The following GCFC2 variants were observed in gnomAD, a reference collection of about 807,000 sequenced individuals.
The protein encoded by GCFC2 is GC-rich sequence DNA-binding factor 2.
Under a neutral mutation model 99.4 loss-of-function variants are expected in GCFC2, and 102 were observed. The observed-to-expected ratio is 1.03, with a 90% CI of 0.87 to 1.21. The LOEUF (loss-of-function observed/expected upper bound fraction) is 1.21, where lower values mean the gene tolerates loss of function less well. Ranked by LOEUF, GCFC2 falls within the 50% of genes most tolerant of loss-of-function variation. The pLI, the probability that GCFC2 is intolerant of heterozygous loss-of-function variation, is 0.00. For synonymous variants in GCFC2, 338 were observed against 316.8 expected, an observed-to-expected ratio of 1.07 and a Z score of -0.71; for missense variants, 973 against 920.9, an observed-to-expected ratio of 1.06 and a Z score of -0.73.
rs1193275869 is a variant in GCFC2, at chr2:75,689,230, A to G, written c.1340-5T>C. Reference sequence around the variant, plus strand: ...TCTGTTTCTGTAAAATGTCACCTGTAAACAAAATAAGTCTCTTTATGCATT... The same window carrying G: ...TCTGTTTCTGTAAAATGTCACCTGTGAACAAAATAAGTCTCTTTATGCATT... On this transcript the variant is annotated splice_region_variant and splice_polypyrimidine_tract_variant and intron_variant, in intron 9 of 16. Coordinates refer to ENST00000321027, the MANE Select transcript of GCFC2 (RefSeq NM_003203.5). 5 of 1,520,188 alleles carry G rather than the reference A, an allele frequency of 3.3e-6. No homozygotes were observed. Among genetic ancestry groups the G allele is most frequent in the Middle Eastern group, 1.7e-4 (1 of 5,884 alleles). The allele number at this position is 1,520,188 out of a possible 1,614,324, so 94.2% of individuals were successfully genotyped here.
chr2:75,680,418 C>G (rs1374895618), intron 11 of GCFC2, 104 bp from the exon 12 acceptor site: 8 of 847,588 alleles, frequency 9.4e-6, no homozygotes, highest in Middle Eastern at 3.3e-4. Flanking sequence ...CCTCCTTATT[C>G]AGTTTAAGTT....
chr2:75,665,039 A>C (rs943716398), intron 16 of GCFC2, among the ~76,000 whole-genome samples: 1 of 152,198 alleles, frequency 6.6e-6, no homozygotes, highest in African/African-American at 2.4e-5. Context: ...TAGTAAGTCT[A>C]TCAGAAATTT....
intron 7 of GCFC2, among the ~76,000 whole-genome samples, chr2:75,691,137 A>G (rs181600497): frequency 5.9e-5 from 9 of 152,342 alleles, no homozygotes; most frequent in African/African-American, 1.9e-4. Flanking sequence ...CTGAAACTGC[A>G]TATAGCACCA....
rs80205309 is a variant in GCFC2 at position 75,681,445 on chromosome 2, G to A, written c.1691-1131C>T. Among the ~76,000 whole-genome samples the A allele has an allele frequency of 7.0e-3, 1,059 of 152,028 alleles. 35 individuals carry two copies. Among genetic ancestry groups the A allele is most frequent in the African/African-American group, 0.019 (786 of 41,280 alleles). The stretch of plus-strand genomic sequence containing the variant: ...GGTCTTCGCAACCGGCAGACCAGGA[G>A]ATTCCCTCCAGTGCCTACCCCACCA... On this transcript the variant is annotated intron_variant, in intron 11 of 16. Coordinates refer to ENST00000321027, the MANE Select transcript of GCFC2 (RefSeq NM_003203.5).
Position 75,662,917 on chromosome 2 carries a change from A to AC in GCFC2, c.*1748_*1749insG. On this transcript the variant is annotated 3_prime_UTR_variant, in exon 17 of 17. Coordinates refer to ENST00000321027, the MANE Select transcript of GCFC2 (RefSeq NM_003203.5). The stretch of plus-strand genomic sequence containing the variant: ...CTGCCACTTACGTAAAAAAAAAAAA[A>AC]AAACCCAAAACTATGTACACATAGA... 6.6e-6 allele frequency: 1 copy of AC among 151,922 alleles called. No individual in the cohort carries two copies. Among genetic ancestry groups the AC allele is most frequent in the East Asian group, 1.9e-4 (1 of 5,176 alleles). 9.4% of individuals were successfully genotyped at this position (151,922 alleles called of 1,614,324 possible). A position where few individuals can be genotyped will look rare whatever the true frequency, so the allele number is the denominator to read the frequency against.
chr2:75,670,500 C>T, intron 14 of GCFC2: 1 of 390,144 alleles, frequency 2.6e-6, no homozygotes, highest in African/African-American at 2.0e-5. Context: ...GGATAACCAT[C>T]CCCAAATCTA....
chr2:75,700,269 A>G (rs1680525321), intron 4 of GCFC2, among the ~76,000 whole-genome samples: 1 of 152,206 alleles, frequency 6.6e-6, no homozygotes, highest in East Asian at 1.9e-4. Context: ...AATTAAATAA[A>G]ACACAAAACT....
chr2:75,670,603 A>T (rs1228940051), intron 14 of GCFC2: 1 of 194,706 alleles, frequency 5.1e-6, no homozygotes, highest in African/African-American at 2.3e-5. Flanking sequence ...GTATAAGACC[A>T]CAGGACCACG....
intron 1 of GCFC2, among the ~76,000 whole-genome samples, chr2:75,709,632 C>T (rs1217335859): frequency 6.6e-6 from 1 of 152,104 alleles, no homozygotes; most frequent in Non-Finnish European, 1.5e-5. Flanking sequence ...TATTCTACAA[C>T]ACGGTGACTA....
chr2:75,695,921 CA>C (rs1412476319), intron 5 of GCFC2, among the ~76,000 whole-genome samples: 2 of 152,168 alleles, frequency 1.3e-5, no homozygotes, highest in African/African-American at 4.8e-5. Flanking sequence ...CAATTTAAAA[CA>C]TATGAATTGT....
chr2:75,693,768 AAAGAT>A (rs1362909637), intron 6 of GCFC2, among the ~76,000 whole-genome samples: 1 of 152,076 alleles, frequency 6.6e-6, no homozygotes, highest in East Asian at 1.9e-4. Context: ...TAAGAACCAC[AAAGAT>A]AAAAGGGCAA....
chr2:75,674,301 T>A (rs1368205711), intron 12 of GCFC2, among the ~76,000 whole-genome samples: 1 of 152,202 alleles, frequency 6.6e-6, no homozygotes, highest in Non-Finnish European at 1.5e-5. Flanking sequence ...CCATTTTGTT[T>A]GTACATAAAA....
chr2:75,695,869 C>T (rs1220650200), intron 5 of GCFC2, among the ~76,000 whole-genome samples: 2 of 152,148 alleles, frequency 1.3e-5, no homozygotes, highest in African/African-American at 4.8e-5. Flanking sequence ...CAGGATGAAG[C>T]AGGGCAGCTC....
At chr2:75,711,886 G>C (rs1681201999), upstream of GCFC2, among the ~76,000 whole-genome samples, 1 of 152,244 alleles carries the variant, frequency 6.6e-6, no homozygotes, top group African/African-American at 2.4e-5. Context: ...TGCTGCCCGA[G>C]CATCCCCGAC....
At chr2:75,703,431 G>A (rs751991264) in intron 2 of GCFC2, among the ~76,000 whole-genome samples, 58 of 152,128 alleles carry the variant, frequency 3.8e-4, no homozygotes, top group Non-Finnish European at 6.5e-4. Context: ...AAAGATTTTA[G>A]AAATCACAGA....
At chr2:75,692,699 A>G (rs1412269346) in intron 6 of GCFC2, among the ~76,000 whole-genome samples, 2 of 151,958 alleles carry the variant, frequency 1.3e-5, no homozygotes, top group African/African-American at 4.8e-5. Context: ...AACATGCATT[A>G]AAGTTTGAGA....
rs373160822 is a variant in GCFC2, at chr2:75,680,186, T to C, written c.1812+7A>G. The C allele has an allele frequency of 6.3e-7, 1 of 1,595,170 alleles. No homozygotes were observed. Among genetic ancestry groups the C allele is most frequent in the Non-Finnish European group, 8.6e-7 (1 of 1,164,000 alleles). On this transcript the variant is annotated splice_region_variant and intron_variant, in intron 12 of 16. Transcript: ENST00000321027. ...ATCATGGAGTTCGCAACTCTAGAAA[T>C]TATTACCTGTCTGCTTTTACTAACT... is the stretch of plus-strand genomic sequence containing the variant.
chr2:75,693,153 T>C (rs936028394), intron 6 of GCFC2, among the ~76,000 whole-genome samples: 6 of 152,106 alleles, frequency 3.9e-5, no homozygotes, highest in Admixed American at 2.6e-4. Context: ...CAAAAAATAA[T>C]GTGGGCTGAG....
upstream of GCFC2, chr2:75,711,213 G>A (rs555816720): frequency 1.0e-6 from 1 of 985,188 alleles, no homozygotes; most frequent in Non-Finnish European, 1.2e-6. Context: ...TATGCTTTCC[G>A]TCCTGGACTG....
Sources: allele counts gnomAD v4.1 joint callset (sites outside exome capture counted in the v4.1 genomes callset), GRCh38; gene constraint gnomAD v4.1.1; transcripts MANE v1.5; gene names NCBI Gene and HGNC (gene_info 2026-07-23, HGNC 2026-07-21).